Variants in SCN9A observed in about 807,000 individuals in gnomAD.
The protein encoded by SCN9A is sodium channel protein type 9 subunit alpha.
A neutral mutation model predicts 187.0 loss-of-function variants in SCN9A; 131 were observed. The ratio of observed to expected loss-of-function variants is 0.70; its 90% CI spans 0.61 to 0.81. SCN9A has a LOEUF of 0.81. Among genes scored for constraint, SCN9A ranks in the 30% least tolerant of loss-of-function variants. The pLI, the probability that SCN9A is intolerant of heterozygous loss-of-function variation, is 0.00. For synonymous variants in SCN9A, 809 were observed against 808.6 expected (o/e 1.00, Z -0.01); for missense variants, 2,252 against 2,396.6 (o/e 0.94, Z 1.26).
chr2:166,328,965 T>C (rs1699431472), intron 1 of SCN9A, among the ~76,000 whole-genome samples: 1 of 152,144 alleles, frequency 6.6e-6, no homozygotes, highest in Admixed American at 6.6e-5. Context: ...AAATTTTTTC[T>C]CTGTTGTGTA....
intron 7 of SCN9A, among the ~76,000 whole-genome samples, chr2:166,297,465 TG>T (rs1381834760): frequency 6.6e-6 from 1 of 152,074 alleles, no homozygotes; most frequent in Non-Finnish European, 1.5e-5. Flanking sequence ...TACTATACCA[TG>T]GATAAATTTT....
At chr2:166,294,840 T>C in intron 7 of SCN9A, 178 bp from the exon 8 acceptor site, 1 of 454,590 alleles carries the variant, frequency 2.2e-6, no homozygotes, top group Non-Finnish European at 3.9e-6. Context: ...TTATTGATAA[T>C]CTCTTAGAGG....
chr2:166,373,997 ATTTG>A (rs765541870), intron 1 of SCN9A, among the ~76,000 whole-genome samples: 8 of 152,300 alleles, frequency 5.3e-5, no homozygotes, highest in Non-Finnish European at 1.0e-4. Flanking sequence ...GAATTTATTT[ATTTG>A]TTTATCTATT....
chr2:166,286,281 A>C (rs765946573), intron 11 of SCN9A, 55 bp downstream of exon 11: 2 of 1,512,170 alleles, frequency 1.3e-6, no homozygotes, highest in Non-Finnish European at 1.8e-6. Context: ...AAAATAAGAC[A>C]TTTTTCTCTA....
At chr2:166,360,608 A>G (rs1340175100) in intron 1 of SCN9A, among the ~76,000 whole-genome samples, 1 of 152,208 alleles carries the variant, frequency 6.6e-6, no homozygotes, top group Admixed American at 6.5e-5. Context: ...CTTTGGCACC[A>G]GGCAGACTTA....
intron 1 of SCN9A, among the ~76,000 whole-genome samples, chr2:166,367,369 T>G (rs1700442594): frequency 6.6e-6 from 1 of 152,156 alleles, no homozygotes; most frequent in Non-Finnish European, 1.5e-5. Flanking sequence ...TTCAGGCAAT[T>G]CTCCTGCCTC....
chr2:166,280,648 T>C (rs1386256539), intron 13 of SCN9A, 53 bp from the exon 14 acceptor site: 2 of 1,029,470 alleles, frequency 1.9e-6, no homozygotes, highest in Non-Finnish European at 2.9e-6. Flanking sequence ...GTTTCACTCC[T>C]AACCAGATAC....
At chr2:166,201,895 G>C (rs1693553277) in intron 26 of SCN9A, among the ~76,000 whole-genome samples, 1 of 151,178 alleles carries the variant, frequency 6.6e-6, no homozygotes. Flanking sequence ...ATCTACTATT[G>C]TAATTTATTT....
intron 1 of SCN9A, among the ~76,000 whole-genome samples, chr2:166,371,847 AT>A (rs1334764956): frequency 1.3e-5 from 2 of 152,144 alleles, no homozygotes; most frequent in Non-Finnish European, 2.9e-5. Context: ...ATTTTTAAAA[AT>A]CCCTGCTCAC....
In SCN9A at chr2:166,303,306, A is replaced by G; in HGVS notation, c.689-4T>C. 9 of 1,608,902 alleles carry G rather than the reference A, an allele frequency of 5.6e-6. No individual in the cohort carries two copies. Among genetic ancestry groups the G allele is most frequent in the Non-Finnish European group, 7.6e-6 (9 of 1,178,052 alleles). Reference sequence around the variant, plus strand: ...GCCCCTACAATTGTCTTCAGGCCTGAAAATGGGAGAAAAAAGTGTTTGTAA... The same window carrying G: ...GCCCCTACAATTGTCTTCAGGCCTGGAAATGGGAGAAAAAAGTGTTTGTAA... On this transcript the variant is annotated splice_polypyrimidine_tract_variant and splice_region_variant and intron_variant, in intron 6 of 26. Coordinates refer to ENST00000642356, the MANE Select transcript of SCN9A (RefSeq NM_001365536.1).
At position 166,226,626 on chromosome 2, in the gene SCN9A, A is replaced by C; in HGVS notation, c.4339T>G (p.Phe1447Val). ...ACACCAATGAACAAGTTCAAAGTGA[A>C]GAATGACCCAAAGATGATAAAGACG... ...FVVFIIFGSF[F>V]TLNLFIGVII... The change falls in exon 24 of 27, where the codon TTC becomes GTC. Residue 1447 changes from phenylalanine (F) to valine (V), a missense_variant. This residue lies in a region of SCN9A where 368 missense variants were observed against 408.6 expected (regional missense o/e 0.90). Transcript: ENST00000642356. 1 of 1,591,556 alleles carries C rather than the reference A, an allele frequency of 6.3e-7. No individual in the cohort carries two copies. The highest frequency in any genetic ancestry group is 8.6e-7 in the Non-Finnish European group (1 of 1,168,370).
chr2:166,304,602 T>C (rs539285858), intron 5 of SCN9A, among the ~76,000 whole-genome samples: 7 of 152,254 alleles, frequency 4.6e-5, no homozygotes, highest in East Asian at 1.9e-4. Context: ...CTTAACATTA[T>C]GGTAATTTAG....
chr2:166,211,452 G>A (rs1011356709), intron 24 of SCN9A, among the ~76,000 whole-genome samples: 4 of 151,950 alleles, frequency 2.6e-5, no homozygotes, highest in Non-Finnish European at 4.4e-5. Flanking sequence ...GCATATGAAA[G>A]CACAAATCTC....
intron 20 of SCN9A, among the ~76,000 whole-genome samples, chr2:166,236,035 T>C (rs990984799): frequency 6.6e-6 from 1 of 152,140 alleles, no homozygotes. Context: ...TTTTAAAGAT[T>C]TTAAAATATC....
chr2:166,301,837 TAA>T (rs1333591033), intron 7 of SCN9A: 1 of 150,904 alleles, frequency 6.6e-6, no homozygotes, highest in African/African-American at 2.5e-5. Context: ...AGGGTAAATA[TAA>T]AAAGAAGGGG....
chr2:166,275,323 G>A (rs535040556), intron 16 of SCN9A, among the ~76,000 whole-genome samples: 20 of 151,990 alleles, frequency 1.3e-4, no homozygotes, highest in African/African-American at 4.3e-4. Context: ...AGTAGCTCAC[G>A]CCTGTAATTC....
chr2:166,261,593 G>A (rs1696510086), intron 17 of SCN9A, among the ~76,000 whole-genome samples: 1 of 151,868 alleles, frequency 6.6e-6, no homozygotes. Context: ...GCTGATCTGT[G>A]GATGTTTTAA....
chr2:166,362,616 C>G (rs1040135599), intron 1 of SCN9A, among the ~76,000 whole-genome samples: 3 of 151,912 alleles, frequency 2.0e-5, no homozygotes, highest in Non-Finnish European at 4.4e-5. Context: ...TAATTCCTAT[C>G]CTTCCTCAAA....
Position 166,198,982 on chromosome 2 carries a change from C to T in SCN9A, c.5657G>A (p.Arg1886Gln), listed in dbSNP as rs774488202. 11 of 1,613,856 alleles carry T rather than the reference C, an allele frequency of 6.8e-6. No homozygotes were observed. The highest frequency in any genetic ancestry group is 4.5e-5 in the East Asian group (2 of 44,888). ...AGTAGCAGACACATCCTCTTGTTTC[C>T]GTTTTAGTGTGGTTGTGATGGGTTC... ...SYEPITTTLK[R>Q]KQEDVSATVI... Residue 1886 changes from arginine (R) to glutamine (Q), a missense_variant, in exon 27 of 27, where the codon CGG becomes CAG. This residue lies in a region of SCN9A where 345 missense variants were observed against 344.6 expected (regional missense o/e 1.00). Coordinates refer to ENST00000642356, the MANE Select transcript of SCN9A (RefSeq NM_001365536.1).
Sources: allele counts gnomAD v4.1 joint callset (sites outside exome capture counted in the v4.1 genomes callset), GRCh38; gene constraint gnomAD v4.1.1; regional missense constraint gnomAD v4.1.1; transcripts MANE v1.5; gene names NCBI Gene and HGNC (gene_info 2026-07-23, HGNC 2026-07-21).